Variants in ITLN2 observed in about 807,000 individuals in gnomAD.
ITLN2 encodes the protein intelectin-2.
In ITLN2, 29 loss-of-function variants were observed where a neutral mutation model predicts 39.4. That is an observed-to-expected ratio of 0.74 (90% CI 0.55 to 1.00). The LOEUF (loss-of-function observed/expected upper bound fraction) is 1.00, where lower values mean the gene tolerates loss of function less well. Ranked by LOEUF, ITLN2 falls within the 50% of genes least tolerant of loss-of-function variation. The pLI is 0.00. For missense variants in ITLN2, 412 were observed against 416.7 expected, an observed-to-expected ratio of 0.99 and a Z score of 0.10; for synonymous variants, 156 against 153.4, an observed-to-expected ratio of 1.02 and a Z score of -0.12.
In ITLN2 at chr1:160,951,432, T is replaced by C. The variant is rs911486861; in HGVS notation, c.194-142A>G. The C allele has an allele frequency of 2.7e-6, 3 of 1,129,168 alleles. No individual in the cohort carries two copies. In the African/African-American group the frequency reaches 4.7e-5, roughly 18 times the overall value. The allele number at this position is 1,129,168 out of a possible 1,614,324, so 69.9% of individuals were successfully genotyped here. On this transcript the variant is annotated intron_variant, in intron 3 of 7. Transcript: ENST00000368029. ...TTGCTGGAAGACGATGCTCCATGCA[T>C]CTTGTGTTCTGCTCACCTATGAGCA... is the stretch of plus-strand genomic sequence containing the variant.
rs755265578 is a variant in ITLN2, at chr1:160,951,043, C to T, written c.441G>A (p.Lys147=). Residue 147 remains lysine, a splice_region_variant and synonymous_variant, in exon 4 of 8, where the codon AAG becomes AAA. Transcript: ENST00000368029. ...CAAGTAGGAGAGAAGTGGCACCAAC[C>T]TTGTAGTCATCGCTCGTGGCCGCCT... ...SAEAATSDDY[K]NPGYYDIQAK... 19 of 1,614,232 alleles carry T rather than the reference C, an allele frequency of 1.2e-5. No individual in the cohort carries two copies. Among genetic ancestry groups the T allele is most frequent in the Non-Finnish European group, 1.4e-5 (16 of 1,180,040 alleles).
chr1:160,950,926 C>G (rs1264171007), intron 4 of ITLN2, 117 bp downstream of exon 4: 1 of 1,571,980 alleles, frequency 6.4e-7, no homozygotes, highest in African/African-American at 1.3e-5. Flanking sequence ...CTGTATTTCT[C>G]TCTTCTTCTC....
intron 2 of ITLN2, 80 bp from the exon 3 acceptor site, chr1:160,952,813 A>T: frequency 1.0e-6 from 1 of 1,003,602 alleles, no homozygotes; most frequent in Non-Finnish European, 1.6e-6. Flanking sequence ...CCCCTGTATC[A>T]ACTCATCACT....
At chr1:160,947,892 C>G in intron 7 of ITLN2, 37 bp downstream of exon 7, 2 of 1,331,578 alleles carry the variant, frequency 1.5e-6, no homozygotes, top group Non-Finnish European at 2.2e-6. Context: ...TCTTTCTTTT[C>G]CCCACACGTG....
intron 3 of ITLN2, 147 bp downstream of exon 3, chr1:160,952,473 C>T: frequency 1.7e-6 from 1 of 597,666 alleles, no homozygotes; most frequent in Non-Finnish European, 3.0e-6. Flanking sequence ...ACAAAAGCCT[C>T]AAAATTCCCA....
intron 3 of ITLN2, 63 bp downstream of exon 3, chr1:160,952,557 C>T: frequency 8.9e-7 from 1 of 1,129,102 alleles, no homozygotes; most frequent in Admixed American, 1.7e-5. Flanking sequence ...ATTTCCATGA[C>T]TGGGCTCTGT....
rs773286605 is a variant in ITLN2 at position 160,950,062 on chromosome 1, G to A, written c.705C>T (p.Tyr235=). 12 of 1,613,980 alleles carry A rather than the reference G, an allele frequency of 7.4e-6. No homozygotes were observed. The highest frequency in any genetic ancestry group is 4.4e-5 in the South Asian group (4 of 91,074). ...AACACTCACGTTGACCATACGGTGA[G>A]TAATAAGATGCAGTCTTCTTAGCAT... ...FGDAKKTASY[Y]SPYGQREFVA... Residue 235 remains tyrosine, a synonymous_variant, in exon 6 of 8, where the codon TAC becomes TAT. Coordinates refer to ENST00000368029, the MANE Select transcript of ITLN2 (RefSeq NM_080878.3).
At chr1:160,951,435 T>C in intron 3 of ITLN2, 145 bp from the exon 4 acceptor site, 2 of 1,108,970 alleles carry the variant, frequency 1.8e-6, no homozygotes, top group Non-Finnish European at 2.5e-6. Flanking sequence ...CCATGCATCT[T>C]GTGTTCTGCT....
At chr1:160,953,509 A>G (rs992580478) in intron 2 of ITLN2, among the ~76,000 whole-genome samples, 1 of 152,162 alleles carries the variant, frequency 6.6e-6, no homozygotes, top group Non-Finnish European at 1.5e-5. Context: ...CAGGAGTTCA[A>G]GAACAGCCTG....
At position 160,952,747 on chromosome 1, in the gene ITLN2, G is replaced by A. The variant is rs777390603; in HGVS notation, c.80-14C>T. The A allele has an allele frequency of 5.7e-6, 9 of 1,581,732 alleles. No homozygotes were observed. Among genetic ancestry groups the A allele is most frequent in the Admixed American group, 1.7e-5 (1 of 59,916 alleles). On this transcript the variant is annotated splice_polypyrimidine_tract_variant and intron_variant, in intron 2 of 7. Transcript: ENST00000368029. The stretch of plus-strand genomic sequence containing the variant: ...AAGAGGCTGCTGCTAGAAAATGTGA[G>A]AATGAGTCTCATTAGAAGTCTGACC...
intron 4 of ITLN2, 123 bp from the exon 5 acceptor site, chr1:160,950,834 C>G: frequency 6.8e-7 from 1 of 1,478,472 alleles, no homozygotes. Context: ...CAGCCACGCT[C>G]AGACACCCCA....
chr1:160,954,565 A>G (rs1427192488), intron 1 of ITLN2, 115 bp from the exon 2 acceptor site: 1 of 1,211,774 alleles, frequency 8.3e-7, no homozygotes, highest in South Asian at 1.3e-5. Context: ...TGATGGGCTC[A>G]TGAGCATTCT....
Position 160,951,026 on chromosome 1 carries a change from A to C in ITLN2, c.441+17T>G, listed in dbSNP as rs1436387388. ...CACACCTCACCCTCACCCAAGTAGG[A>C]GAGAAGTGGCACCAACCTTGTAGTC... On this transcript the variant is annotated intron_variant, in intron 4 of 7. Coordinates refer to ENST00000368029, the MANE Select transcript of ITLN2 (RefSeq NM_080878.3). 1 of 1,614,126 alleles carries C rather than the reference A, an allele frequency of 6.2e-7. No individual in the cohort carries two copies. Among genetic ancestry groups the C allele is most frequent in the Admixed American group, 1.7e-5 (1 of 60,020 alleles).
At chr1:160,951,396 C>G (rs4656970) in intron 3 of ITLN2, 106 bp from the exon 4 acceptor site, 3 of 1,412,686 alleles carry the variant, frequency 2.1e-6, no homozygotes, top group South Asian at 2.9e-5. Context: ...TCAGAAGACT[C>G]CAACACATAC....
intron 6 of ITLN2, chr1:160,949,673 A>T (rs189366051): frequency 2.1e-4 from 40 of 188,404 alleles, no homozygotes; most frequent in Middle Eastern, 5.1e-3. Context: ...AGGGTTACAG[A>T]TTAACAGCAT....
At chr1:160,951,979 C>T (rs776710953) in intron 3 of ITLN2, among the ~76,000 whole-genome samples, 1 of 152,194 alleles carries the variant, frequency 6.6e-6, no homozygotes, top group South Asian at 2.1e-4. Flanking sequence ...ACCCCCACCC[C>T]GTAGGGTACA....
chr1:160,953,785 T>A (rs1671802803), intron 2 of ITLN2, among the ~76,000 whole-genome samples: 1 of 152,168 alleles, frequency 6.6e-6, no homozygotes, highest in South Asian at 2.1e-4. Context: ...AGCAGACACT[T>A]AACATCTCTG....
At chr1:160,953,479 AG>A (rs1371584952) in intron 2 of ITLN2, among the ~76,000 whole-genome samples, 1 of 152,156 alleles carries the variant, frequency 6.6e-6, no homozygotes, top group East Asian at 1.9e-4. Flanking sequence ...TCGGAGGCCG[AG>A]GAGGGTGGAT....
chr1:160,950,469 C>T, intron 5 of ITLN2, 84 bp downstream of exon 5: 1 of 1,496,602 alleles, frequency 6.7e-7, no homozygotes, highest in Non-Finnish European at 9.1e-7. Context: ...GATGTGGAAC[C>T]ACAGGACAGA....
Sources: gnomAD v4.1 joint callset for allele counts (sites outside exome capture counted in the v4.1 genomes callset) on GRCh38, gnomAD v4.1.1 for gene constraint, MANE v1.5 for transcripts, NCBI Gene and HGNC (gene_info 2026-07-23, HGNC 2026-07-21) for gene names.